CARS2: variants seen among roughly 807,000 people sequenced by gnomAD.
The protein encoded by CARS2 is probable cysteine--tRNA ligase, mitochondrial.
Under a neutral mutation model 68.8 loss-of-function variants are expected in CARS2, and 52 were observed. The ratio of observed to expected loss-of-function variants is 0.76; its 90% CI spans 0.61 to 0.95. The LOEUF is 0.95. CARS2 is among the 40% of genes least tolerant of loss of function. The probability of loss-of-function intolerance (pLI) is 0.00; values close to 1 mark genes in which losing one functional copy is unlikely to be tolerated. For synonymous variants in CARS2, 314 were observed against 303.6 expected, an observed-to-expected ratio of 1.03 and a Z score of -0.36; for missense variants, 780 against 754.2, an observed-to-expected ratio of 1.03 and a Z score of -0.40.
intron 9 of CARS2, among the ~76,000 whole-genome samples, chr13:110,654,752 T>C (rs1157698274): frequency 6.6e-6 from 1 of 151,278 alleles, no homozygotes; most frequent in African/African-American, 2.4e-5. Flanking sequence ...ACTTCGTCTC[T>C]AGAAAAAATA....
intron 7 of CARS2, among the ~76,000 whole-genome samples, chr13:110,671,369 G>C (rs2062799155): frequency 6.6e-6 from 1 of 152,206 alleles, no homozygotes; most frequent in African/African-American, 2.4e-5. Flanking sequence ...AGATCTCCTG[G>C]CAGAACCTCT....
intron 9 of CARS2, among the ~76,000 whole-genome samples, chr13:110,657,633 T>C (rs1232589426): frequency 1.3e-5 from 2 of 152,204 alleles, no homozygotes; most frequent in Admixed American, 6.5e-5. Flanking sequence ...TTAAGAAGAA[T>C]GCCAACTAAT....
At chr13:110,658,841 A>G (rs1328229321) in intron 9 of CARS2, among the ~76,000 whole-genome samples, 2 of 152,190 alleles carry the variant, frequency 1.3e-5, no homozygotes. Flanking sequence ...AGGCAGGAGA[A>G]TCATTTGAAC....
chr13:110,641,485 G>C lies in CARS2; in HGVS notation c.*52C>G. On this transcript the variant is annotated 3_prime_UTR_variant, in exon 15 of 15. Coordinates refer to ENST00000257347, the MANE Select transcript of CARS2 (RefSeq NM_024537.4). ...AGCTTTAACATAAAGCCTTGACCCT[G>C]AGAAGCATGGGTGCGTCTTGTCGTG... is the stretch of plus-strand genomic sequence containing the variant. 7.0e-7 allele frequency: 1 copy of C among 1,420,418 alleles called. No individual in the cohort carries two copies. Among genetic ancestry groups the C allele is most frequent in the Non-Finnish European group, 1.0e-6 (1 of 1,002,958 alleles). 88.0% of individuals were successfully genotyped at this position (1,420,418 alleles called of 1,614,324 possible). A position where few individuals can be genotyped will look rare whatever the true frequency, so the allele number is the denominator to read the frequency against.
chr13:110,708,816 C>T (rs1017426932), upstream of CARS2, among the ~76,000 whole-genome samples: 63 of 24,104 alleles, frequency 2.6e-3, no homozygotes, highest in African/African-American at 4.0e-3. Flanking sequence ...TGCAGTGGCA[C>T]GATCTCGGCT....
rs183725071 is a variant in CARS2 at position 110,653,369 on chromosome 13, G to A, written c.988-2269C>T. Among the ~76,000 whole-genome samples the A allele has an allele frequency of 2.6e-5, 4 of 152,192 alleles. No individual in the cohort carries two copies. The highest frequency in any genetic ancestry group is 1.5e-5 in the Non-Finnish European group (1 of 68,022). On this transcript the variant is annotated intron_variant, in intron 9 of 14. Transcript: ENST00000257347. The surrounding 1 kb of genome is among the most constrained non-coding windows in gnomAD (Gnocchi z 5.6). ...TCCTGGGTCCTCTAATTCGCAACTCGCAGGCTTACTTGACACCCTCCCTCA... is the reference window on the plus strand; with the variant it reads ...TCCTGGGTCCTCTAATTCGCAACTCACAGGCTTACTTGACACCCTCCCTCA...
chr13:110,645,867 C>T, intron 12 of CARS2, 100 bp downstream of exon 12: 1 of 1,442,904 alleles, frequency 6.9e-7, no homozygotes, highest in Non-Finnish European at 9.4e-7. Context: ...GAGGCGAAAT[C>T]AGCAGAGATG....
intron 3 of CARS2, among the ~76,000 whole-genome samples, chr13:110,692,004 ATAT>A (rs1193523665): frequency 1.4e-4 from 8 of 56,138 alleles, no homozygotes; most frequent in African/African-American, 2.8e-4. Flanking sequence ...AAAAAAAAAA[ATAT>A]ATATATATAT....
Position 110,705,430 on chromosome 13 carries a change from G to A in CARS2, c.275+91C>T, listed in dbSNP as rs1594434310. 5.9e-6 allele frequency: 5 copies of A among 850,938 alleles called. No individual in the cohort carries two copies. In the East Asian group the frequency reaches 1.3e-4, roughly 21 times the overall value. 52.7% of individuals were successfully genotyped at this position (850,938 alleles called of 1,614,324 possible). ...TGTAGGAATTATTCTGCATCCCTAA[G>A]TTGCCACTTAAGAGATAAAAGAAAT... On this transcript the variant is annotated intron_variant, in intron 2 of 14. Coordinates refer to ENST00000257347, the MANE Select transcript of CARS2 (RefSeq NM_024537.4). The surrounding 1 kb of genome is among the most constrained non-coding windows in gnomAD (Gnocchi z 4.0).
intron 11 of CARS2, chr13:110,646,808 A>T (rs1888183092): frequency 2.9e-6 from 1 of 342,478 alleles, no homozygotes; most frequent in Non-Finnish European, 5.3e-6. Context: ...GGAGCCCCTG[A>T]CCCCACACCT....
chr13:110,651,798 G>A (rs1295582144), intron 9 of CARS2, among the ~76,000 whole-genome samples: 3 of 152,230 alleles, frequency 2.0e-5, no homozygotes, highest in African/African-American at 7.2e-5. Flanking sequence ...TAGAGGCACT[G>A]CAAAAGCAGC....
At position 110,644,109 on chromosome 13, in the gene CARS2, C is replaced by T. The variant is rs373871185; in HGVS notation, c.1416+276G>A. 20 of 1,353,728 alleles carry T rather than the reference C, an allele frequency of 1.5e-5. No individual in the cohort carries two copies. In the Middle Eastern group the frequency reaches 5.9e-4, roughly 40 times the overall value. The allele number at this position is 1,353,728 out of a possible 1,614,324, so 83.9% of individuals were successfully genotyped here. A position where few individuals can be genotyped will look rare whatever the true frequency, so the allele number is the denominator to read the frequency against. On this transcript the variant is annotated intron_variant, in intron 13 of 14. Transcript: ENST00000257347. ...CATTCTGAGAGTCTTTGAACATAAACGTGTGTGCAGAGCTGGCGACATTCT... is the reference window on the plus strand; with the variant it reads ...CATTCTGAGAGTCTTTGAACATAAATGTGTGTGCAGAGCTGGCGACATTCT...
chr13:110,679,924 C>A (rs1419136629), intron 6 of CARS2, among the ~76,000 whole-genome samples: 2 of 152,120 alleles, frequency 1.3e-5, no homozygotes, highest in East Asian at 3.9e-4. Context: ...CTGAAGCCCA[C>A]GAGCTCTCAG....
At chr13:110,656,796 A>T (rs1209153761) in intron 9 of CARS2, among the ~76,000 whole-genome samples, 2 of 152,014 alleles carry the variant, frequency 1.3e-5, no homozygotes, top group Non-Finnish European at 2.9e-5. Context: ...AGGCAGGAGA[A>T]TGGCGTGAAC....
chr13:110,687,512 A>T (rs2063333579), intron 5 of CARS2, among the ~76,000 whole-genome samples: 1 of 151,976 alleles, frequency 6.6e-6, no homozygotes. Context: ...TACTAAAAAT[A>T]CCAAAACAAA....
At chr13:110,680,577 C>A (rs2063130895) in intron 6 of CARS2, among the ~76,000 whole-genome samples, 1 of 152,152 alleles carries the variant, frequency 6.6e-6, no homozygotes, top group Non-Finnish European at 1.5e-5. Flanking sequence ...ACAAAGTAGC[C>A]TTCTCCAGAA....
At chr13:110,685,530 CCGTCGGCTGGATACTTTAAGG>C (rs1442548790) in intron 5 of CARS2, among the ~76,000 whole-genome samples, 1 of 152,192 alleles carries the variant, frequency 6.6e-6, no homozygotes, top group Non-Finnish European at 1.5e-5. Flanking sequence ...GTATCTTCAG[CCGTCGGCTGGATACTTTAAGG>C]CGTCATTCAG....
At chr13:110,641,679 A>G (rs1594195637) in intron 14 of CARS2, 71 bp from the exon 15 acceptor site, 3 of 1,273,976 alleles carry the variant, frequency 2.4e-6, no homozygotes, top group East Asian at 4.6e-5. Flanking sequence ...TGACAGGCGT[A>G]ATCAGGTTCA....
intron 1 of CARS2, chr13:110,712,527 G>A (rs1271942759): frequency 2.6e-5 from 6 of 234,518 alleles, no homozygotes; most frequent in African/African-American, 1.7e-4. Flanking sequence ...CCCTTTGGCC[G>A]GAAGGGGGGG....
Sources: gnomAD v4.1 joint callset for allele counts (sites outside exome capture counted in the v4.1 genomes callset) on GRCh38, gnomAD v4.1.1 for gene constraint, Gnocchi (gnomAD v3.1) non-coding constraint, MANE v1.5 for transcripts, NCBI Gene and HGNC (gene_info 2026-07-23, HGNC 2026-07-21) for gene names.